The following ZNF549 variants were observed in gnomAD, a reference collection of about 807,000 sequenced individuals.
ZNF549 encodes zinc finger protein 549.
ZNF549 carries 11 observed loss-of-function variants against 11.1 expected under a neutral mutation model. The ratio of observed to expected loss-of-function variants is 0.99; its 90% CI spans 0.62 to 1.64. ZNF549 has a LOEUF of 1.64. Ranked by LOEUF, ZNF549 falls within the 40% of genes most tolerant of loss-of-function variation. The probability of loss-of-function intolerance (pLI) is 0.00; values close to 1 mark genes in which losing one functional copy is unlikely to be tolerated. For synonymous variants in ZNF549, 266 were observed against 269.1 expected, an observed-to-expected ratio of 0.99 and a Z score of 0.11; for missense variants, 748 against 765.1, an observed-to-expected ratio of 0.98 and a Z score of 0.26.
Position 57,538,093 on chromosome 19 carries a change from T to C in ZNF549, c.1089T>C (p.Cys363=), listed in dbSNP as rs2089935358. The part of the protein sequence containing the change: ...RIHTGERPYV[C]MECGKSFIHS... Reference sequence around the variant, plus strand: ...ACACTGGAGAGAGGCCTTATGTGTGTATGGAATGTGGGAAATCTTTTATTC... The same window carrying C: ...ACACTGGAGAGAGGCCTTATGTGTGCATGGAATGTGGGAAATCTTTTATTC... The change falls in exon 4 of 4, where the codon TGT becomes TGC. Residue 363 remains cysteine (C), a synonymous_variant. Coordinates refer to ENST00000376233, the MANE Select transcript of ZNF549 (RefSeq NM_001199295.2). 1 of 1,614,036 alleles carries C rather than the reference T, an allele frequency of 6.2e-7. No homozygotes were observed. Among genetic ancestry groups the C allele is most frequent in the Non-Finnish European group, 8.5e-7 (1 of 1,179,984 alleles).
intron 2 of ZNF549, among the ~76,000 whole-genome samples, chr19:57,534,352 G>A (rs1006017322): frequency 1.3e-5 from 2 of 152,166 alleles, no homozygotes; most frequent in Non-Finnish European, 2.9e-5. Context: ...CAAGGTCAGG[G>A]CTGGTGCTTT....
rs1336382949 is a variant in ZNF549, at chr19:57,540,005, C to G, written c.*1078C>G. On this transcript the variant is annotated 3_prime_UTR_variant, in exon 4 of 4. Coordinates refer to ENST00000376233, the MANE Select transcript of ZNF549 (RefSeq NM_001199295.2). ...CCTCAGACCTTTGATTCTCCTTTAG[C>G]AACACACATCGTCAGCATAAGGCAT... is the stretch of plus-strand genomic sequence containing the variant. 6.6e-6 allele frequency: 1 copy of G among 152,202 alleles called. No individual in the cohort carries two copies. Among genetic ancestry groups the G allele is most frequent in the Non-Finnish European group, 1.5e-5 (1 of 68,048 alleles). The allele number at this position is 152,202 out of a possible 1,614,324, so 9.4% of individuals were successfully genotyped here.
Position 57,537,481 on chromosome 19 carries a change from C to T in ZNF549, c.477C>T (p.His159=). The T allele has an allele frequency of 6.2e-7, 1 of 1,614,192 alleles. No individual in the cohort carries two copies. Among genetic ancestry groups the T allele is most frequent in the Non-Finnish European group, 8.5e-7 (1 of 1,180,038 alleles). Residue 159 remains histidine (H), a synonymous_variant, in exon 4 of 4, where the codon CAC becomes CAT. Transcript: ENST00000376233. ...AGAACCAGGACAGTGGAGAGAAACA[C>T]ATCAGAAAGGAGGAGAGCAGTGCCT... ...QHQNQDSGEK[H]IRKEESSALL...
Position 57,538,462 on chromosome 19 carries a change from A to C in ZNF549, c.1458A>C (p.Gln486His), listed in dbSNP as rs751306159. 5.0e-6 allele frequency: 8 copies of C among 1,613,974 alleles called. No homozygotes were observed. The East Asian group carries it at 1.8e-4, about 36-fold the overall frequency. Residue 486 changes from glutamine to histidine, a missense_variant, in exon 4 of 4, where the codon CAA becomes CAC. Gln to His is a conservative substitution (Grantham distance 24). Coordinates refer to ENST00000376233, the MANE Select transcript of ZNF549 (RefSeq NM_001199295.2). ...GTGGGAAAGCCTTCATCTCCAAACA[A>C]ACACTTCTTAAGCATCACAAAATCC... Reference protein sequence around the residue: ...SDCGKAFISKQTLLKHHKIHT... With the variant: ...SDCGKAFISKHTLLKHHKIHT...
Position 57,538,824 on chromosome 19 carries a change from A to G in ZNF549, c.1820A>G (p.His607Arg). ...KNKLVEHQRI[H>R]TGEKPYECGK... is the part of the protein sequence containing the mutation. ...AAACTTGTTGAGCATCAGCGAATCCACACCGGAGAAAAGCCGTATGAATGT... is the reference window on the plus strand; with the variant it reads ...AAACTTGTTGAGCATCAGCGAATCCGCACCGGAGAAAAGCCGTATGAATGT... Residue 607 changes from histidine (H) to arginine (R), a missense_variant, in exon 4 of 4, where the codon CAC (histidine) becomes CGC (arginine). His to Arg is a conservative substitution (Grantham distance 29, BLOSUM62 0). Transcript: ENST00000376233. 1.9e-6 allele frequency: 3 copies of G among 1,614,168 alleles called. No homozygotes were observed. The highest frequency in any genetic ancestry group is 2.5e-6 in the Non-Finnish European group (3 of 1,180,032).
intron 2 of ZNF549, among the ~76,000 whole-genome samples, chr19:57,532,511 AAAG>A (rs1195418609): frequency 1.3e-5 from 2 of 152,160 alleles, no homozygotes; most frequent in African/African-American, 4.8e-5. Flanking sequence ...CAAAGGATGA[AAAG>A]AAGGGGAGGT....
intron 3 of ZNF549, among the ~76,000 whole-genome samples, chr19:57,535,894 AG>A (rs777803321): frequency 1.3e-5 from 2 of 152,160 alleles, no homozygotes; most frequent in Non-Finnish European, 2.9e-5. Flanking sequence ...AGCCACAGCA[AG>A]GGGGGTTAAC....
rs773327024 is a variant in ZNF549 at position 57,531,057 on chromosome 19, C to T, written c.34-13C>T. The T allele has an allele frequency of 7.5e-6, 12 of 1,598,202 alleles. No individual in the cohort carries two copies. The highest frequency in any genetic ancestry group is 9.3e-6 in the Non-Finnish European group (11 of 1,179,732). On this transcript the variant is annotated splice_polypyrimidine_tract_variant and intron_variant, in intron 1 of 3. Transcript: ENST00000376233. ...TTGAACACCTGTATTTCATAGCCTC[C>T]CTCTTCCTACAGATTCCCATGGTAA...
At chr19:57,530,222 CAGGGAGGGG>C (rs2123308613) in intron 1 of ZNF549, among the ~76,000 whole-genome samples, 1 of 152,222 alleles carries the variant, frequency 6.6e-6, no homozygotes, top group African/African-American at 2.4e-5. Flanking sequence ...CTCTGGCATC[CAGGGAGGGG>C]AGCAGAGATC....
Position 57,538,518 on chromosome 19 carries a change from A to G in ZNF549, c.1514A>G (p.Glu505Gly). 1.2e-6 allele frequency: 2 copies of G among 1,614,226 alleles called. No individual in the cohort carries two copies. Among genetic ancestry groups the G allele is most frequent in the South Asian group, 2.2e-5 (2 of 91,078 alleles). The change falls in exon 4 of 4, where the codon GAA becomes GGA. Residue 505 changes from glutamate (E) to glycine (G), a missense_variant. Physicochemically the swap from Glu to Gly is moderately conservative, Grantham distance 98. Coordinates refer to ENST00000376233, the MANE Select transcript of ZNF549 (RefSeq NM_001199295.2). ...HTRERPYECS[E>G]CGKGFYLEVK... is the part of the protein sequence containing the mutation. ...AGAGAAAGGCCTTATGAATGCAGTG[A>G]ATGTGGAAAAGGCTTCTACCTTGAG... is the stretch of plus-strand genomic sequence containing the variant.
Position 57,538,119 on chromosome 19 carries a change from A to C in ZNF549, c.1115A>C (p.His372Pro), listed in dbSNP as rs772725582. 6.2e-7 allele frequency: 1 copy of C among 1,614,220 alleles called. No individual in the cohort carries two copies. The highest frequency in any genetic ancestry group is 2.2e-5 in the East Asian group (1 of 44,888). The part of the protein sequence containing the change: ...VCMECGKSFI[H>P]SYDRIRHQRV... The stretch of plus-strand genomic sequence containing the variant: ...ATGGAATGTGGGAAATCTTTTATTC[A>C]TTCCTATGACCGCATTCGACACCAG... The change falls in exon 4 of 4, where the codon CAT becomes CCT. Residue 372 changes from histidine to proline, a missense_variant. Physicochemically the swap from His to Pro is moderately conservative, Grantham distance 77 (BLOSUM62 -2). Transcript: ENST00000376233.
chr19:57,528,765 C>T (rs545646649), intron 1 of ZNF549, among the ~76,000 whole-genome samples: 3 of 152,324 alleles, frequency 2.0e-5, no homozygotes, highest in African/African-American at 7.2e-5. Context: ...AAGAGCAGCT[C>T]TCCCAGGAAA....
chr19:57,535,094 G>A lies in ZNF549; in HGVS notation c.73-50G>A, dbSNP rs779297690. ...CTAGGGAGGAGCGAGATTTACTGGG[G>A]TTCCTGGGGATTGAGTCTGCTCATG... On this transcript the variant is annotated intron_variant, in intron 2 of 3. Transcript: ENST00000376233. 4 of 1,600,870 alleles carry A rather than the reference G, an allele frequency of 2.5e-6. No individual in the cohort carries two copies. In the South Asian group the frequency reaches 3.3e-5, roughly 13 times the overall value.
Position 57,540,131 on chromosome 19 carries a change from A to G in ZNF549, c.*1204A>G, listed in dbSNP as rs947255685. 6.6e-6 allele frequency: 1 copy of G among 152,172 alleles called. No individual in the cohort carries two copies. Among genetic ancestry groups the G allele is most frequent in the Non-Finnish European group, 1.5e-5 (1 of 68,028 alleles). 9.4% of individuals were successfully genotyped at this position (152,172 alleles called of 1,614,324 possible). ...AGAGAACATACACCTTGCCTTCCAGATATGTGGTTTTTGTGATTCACCCAG... is the reference window on the plus strand; with the variant it reads ...AGAGAACATACACCTTGCCTTCCAGGTATGTGGTTTTTGTGATTCACCCAG... On this transcript the variant is annotated 3_prime_UTR_variant, in exon 4 of 4. Transcript: ENST00000376233.
chr19:57,536,400 C>G (rs142781896), intron 3 of ZNF549, among the ~76,000 whole-genome samples: 1 of 152,122 alleles, frequency 6.6e-6, no homozygotes, highest in Non-Finnish European at 1.5e-5. Flanking sequence ...ATACACACTG[C>G]GTATCACTAG....
Position 57,538,641 on chromosome 19 carries a change from A to G in ZNF549, c.1637A>G (p.Glu546Gly). ...TTCAGCCACCAAAAAAGACTTCTTG[A>G]GCACCAGAAAGTTCACACTGGCGAA... ...KVFSHQKRLL[E>G]HQKVHTGEKP... The change falls in exon 4 of 4, where the codon GAG (glutamate) becomes GGG (glycine). Residue 546 changes from glutamate to glycine, a missense_variant. Glu to Gly is a moderately conservative substitution (Grantham distance 98). Transcript: ENST00000376233. The G allele has an allele frequency of 1.9e-6, 3 of 1,614,206 alleles. No homozygotes were observed. Among genetic ancestry groups the G allele is most frequent in the South Asian group, 1.1e-5 (1 of 91,086 alleles).
At position 57,533,707 on chromosome 19, in the gene ZNF549, A is replaced by G. The variant is rs563648410; in HGVS notation, c.73-1437A>G. ...TTTTCCTAACCTAGCACTGGTTTGCATGATGGTTTCCTTTCATGAGTTTCT... is the reference window on the plus strand; with the variant it reads ...TTTTCCTAACCTAGCACTGGTTTGCGTGATGGTTTCCTTTCATGAGTTTCT... On this transcript the variant is annotated intron_variant, in intron 2 of 3. Transcript: ENST00000376233. 6.2e-4 allele frequency among the ~76,000 whole-genome samples: 95 copies of G among 152,316 alleles called. 1 individual carries two copies. Among genetic ancestry groups the G allele is most frequent in the African/African-American group, 2.3e-3 (95 of 41,558 alleles).
At chr19:57,533,931 G>A (rs1472257111) in intron 2 of ZNF549, among the ~76,000 whole-genome samples, 1 of 151,918 alleles carries the variant, frequency 6.6e-6, no homozygotes, top group East Asian at 1.9e-4. Context: ...CCAAAGTCCA[G>A]GAGTTAGGCC....
At position 57,531,202 on chromosome 19, in the gene ZNF549, C is replaced by CT; in HGVS notation, c.72+99dup. 5 of 1,386,328 alleles carry CT rather than the reference C, an allele frequency of 3.6e-6. No homozygotes were observed. In the Admixed American group the frequency reaches 9.1e-5, roughly 25 times the overall value. The allele number at this position is 1,386,328 out of a possible 1,614,324, so 85.9% of individuals were successfully genotyped here. ...CAGGTAACAATAATGTCCTGGGACT[C>CT]TTTTTCCTTCATCTTGGGTCCCTGG... On this transcript the variant is annotated intron_variant, in intron 2 of 3. Coordinates refer to ENST00000376233, the MANE Select transcript of ZNF549 (RefSeq NM_001199295.2).
Sources: allele counts gnomAD v4.1 joint callset (sites outside exome capture counted in the v4.1 genomes callset), GRCh38; gene constraint gnomAD v4.1.1; transcripts MANE v1.5; gene names NCBI Gene and HGNC (gene_info 2026-07-23, HGNC 2026-07-21).